Variants in RHOU observed in about 807,000 individuals in gnomAD.
RHOU encodes the protein rho-related GTP-binding protein RhoU.
RHOU carries 8 observed loss-of-function variants against 12.6 expected under a neutral mutation model. The ratio of observed to expected loss-of-function variants is 0.64; its 90% CI spans 0.37 to 1.15. RHOU has a LOEUF of 1.15. Among genes scored for constraint, RHOU ranks in the 50% most tolerant of loss-of-function variants. RHOU has a pLI of 0.01. For missense variants in RHOU, 258 were observed against 347.0 expected (o/e 0.74, Z 2.04); for synonymous variants, 161 against 147.4 (o/e 1.09, Z -0.67).
At chr1:228,648,856 CTCTCT>C in the RHOU span, among the ~76,000 whole-genome samples, 3 of 136,790 alleles carry the variant, frequency 2.2e-5, no homozygotes, top group Non-Finnish European at 4.9e-5. Context: ...CTCTTCCTCT[CTCTCT>C]TTCTTTCTTT....
chr1:228,679,955 C>A, the RHOU span, among the ~76,000 whole-genome samples: 1 of 152,008 alleles, frequency 6.6e-6, no homozygotes, highest in Non-Finnish European at 1.5e-5. Context: ...GGGAGCTGGG[C>A]AGGTGAGGAT....
upstream of RHOU, among the ~76,000 whole-genome samples, chr1:228,731,474 G>A (rs898432008): frequency 7.2e-5 from 11 of 152,230 alleles, no homozygotes; most frequent in Admixed American, 6.5e-4. Context: ...TAAAGCAAGA[G>A]AGGGAGGCTA....
chr1:228,666,712 C>G, the RHOU span, among the ~76,000 whole-genome samples: 1 of 152,188 alleles, frequency 6.6e-6, no homozygotes, highest in Non-Finnish European at 1.5e-5. Flanking sequence ...CCACAAGACT[C>G]AGGCTACTTG....
the RHOU span, among the ~76,000 whole-genome samples, chr1:228,727,336 T>C: frequency 6.6e-6 from 1 of 152,060 alleles, no homozygotes; most frequent in Non-Finnish European, 1.5e-5. Flanking sequence ...GGGACAGTGT[T>C]TCACTCTGTT....
the RHOU span, among the ~76,000 whole-genome samples, chr1:228,678,947 G>T: frequency 6.6e-6 from 1 of 152,124 alleles, no homozygotes; most frequent in East Asian, 1.9e-4. Flanking sequence ...AGGCTACAGG[G>T]CGTGGTCCTG....
rs1358257486 is a variant in RHOU at position 228,736,016 on chromosome 1, G to T, written c.262+12G>T. ...CGACAACTTCTCCGGTGAGCTGGCC[G>T]GGGGGCCGGGGCCGGGGGCGCGTGG... On this transcript the variant is annotated intron_variant, in intron 1 of 2. Transcript: ENST00000366691. The T allele has an allele frequency of 1.9e-6, 3 of 1,570,222 alleles. No individual in the cohort carries two copies. The highest frequency in any genetic ancestry group is 3.5e-5 in the Admixed American group (2 of 57,744).
the RHOU span, among the ~76,000 whole-genome samples, chr1:228,666,806 G>A: frequency 6.6e-6 from 1 of 152,182 alleles, no homozygotes; most frequent in Non-Finnish European, 1.5e-5. Flanking sequence ...AGCATTTCCT[G>A]TAAAATGTTA....
At chr1:228,715,031 C>T in the RHOU span, among the ~76,000 whole-genome samples, 22 of 152,020 alleles carry the variant, frequency 1.4e-4, no homozygotes, top group Admixed American at 1.1e-3. Context: ...CGTGAGCCAC[C>T]GCGCCTGGCC....
the RHOU span, among the ~76,000 whole-genome samples, chr1:228,724,716 T>G: frequency 6.6e-6 from 1 of 152,206 alleles, no homozygotes; most frequent in Admixed American, 6.5e-5. Context: ...TCTCCAAAAC[T>G]TATTCCTCCT....
At chr1:228,727,054 C>CT in the RHOU span, among the ~76,000 whole-genome samples, 2 of 152,130 alleles carry the variant, frequency 1.3e-5, no homozygotes, top group South Asian at 4.1e-4. Flanking sequence ...CAGGTATCTT[C>CT]TTTTTTACAA....
intron 2 of RHOU, among the ~76,000 whole-genome samples, chr1:228,741,834 A>G (rs1300459621): frequency 1.3e-5 from 2 of 152,182 alleles, no homozygotes; most frequent in Admixed American, 1.3e-4. Context: ...ACTTTCGCTT[A>G]CAGAAGCCTC....
the RHOU span, among the ~76,000 whole-genome samples, chr1:228,706,391 A>G: frequency 2.6e-5 from 4 of 152,222 alleles, no homozygotes; most frequent in Non-Finnish European, 5.9e-5. Flanking sequence ...GTCAGTGAGG[A>G]TTTATGGACA....
At chr1:228,733,870 G>A (rs1422982058), upstream of RHOU, among the ~76,000 whole-genome samples, 1 of 152,214 alleles carries the variant, frequency 6.6e-6, no homozygotes, top group East Asian at 1.9e-4. Context: ...GCGAGGGAGA[G>A]GCAAGTCAGG....
At chr1:228,677,229 G>A in the RHOU span, among the ~76,000 whole-genome samples, 4 of 152,108 alleles carry the variant, frequency 2.6e-5, no homozygotes, top group African/African-American at 9.7e-5. Flanking sequence ...AGAATTATTG[G>A]TGATGGCCTG....
At chr1:228,673,261 G>A in the RHOU span, among the ~76,000 whole-genome samples, 1 of 152,086 alleles carries the variant, frequency 6.6e-6, no homozygotes, top group African/African-American at 2.4e-5. Context: ...AGTTTTGCTT[G>A]TTCTTGATCT....
the RHOU span, among the ~76,000 whole-genome samples, chr1:228,714,196 G>A: frequency 6.6e-6 from 1 of 151,636 alleles, no homozygotes; most frequent in Non-Finnish European, 1.5e-5. Flanking sequence ...TGGCCATGGT[G>A]TATTATTTTC....
At position 228,743,801 on chromosome 1, in the gene RHOU, G is replaced by C. The variant is rs982760253; in HGVS notation, c.*61G>C. On this transcript the variant is annotated 3_prime_UTR_variant, in exon 3 of 3. Transcript: ENST00000366691. The surrounding 1 kb of genome is among the most constrained non-coding windows in gnomAD (Gnocchi z 5.1). ...GAAATCGATATTAGAAGCTATATTA[G>C]CTGAAACAACTCCTTTTACTGCGTA... The C allele has an allele frequency of 2.8e-5, 41 of 1,445,900 alleles. 1 individual carries two copies. In the Admixed American group the frequency reaches 8.3e-4, roughly 29 times the overall value. 89.6% of individuals were successfully genotyped at this position (1,445,900 alleles called of 1,614,324 possible).
intron 2 of RHOU, among the ~76,000 whole-genome samples, chr1:228,741,858 T>C (rs1662725806): frequency 6.6e-6 from 1 of 152,236 alleles, no homozygotes; most frequent in East Asian, 1.9e-4. Context: ...AGTGACATTC[T>C]GAAATACCAC....
the RHOU span, among the ~76,000 whole-genome samples, chr1:228,674,687 C>A: frequency 6.6e-6 from 1 of 151,368 alleles, no homozygotes; most frequent in Non-Finnish European, 1.5e-5. Context: ...GATTTCCTAC[C>A]ACAAGGTCAT....
Sources: allele counts gnomAD v4.1 joint callset (sites outside exome capture counted in the v4.1 genomes callset), GRCh38; gene constraint gnomAD v4.1.1; non-coding constraint Gnocchi (gnomAD v3.1); transcripts MANE v1.5; gene names NCBI Gene and HGNC (gene_info 2026-07-23, HGNC 2026-07-21).